The following DDX31 variants were observed in gnomAD, a reference collection of about 807,000 sequenced individuals.
DDX31 encodes DEAD-box helicase 31.
Under a neutral mutation model 91.3 loss-of-function variants are expected in DDX31, and 70 were observed. The ratio of observed to expected loss-of-function variants is 0.77; its 90% CI spans 0.63 to 0.94. DDX31 has a LOEUF of 0.94. DDX31 is among the 40% of genes least tolerant of loss of function. DDX31 has a pLI of 0.00. For synonymous variants in DDX31, 362 were observed against 350.6 expected (o/e 1.03, Z -0.36); for missense variants, 902 against 925.0 (o/e 0.98, Z 0.32).
At chr9:132,669,677 C>T (rs1835594153) in intron 1 of DDX31, 183 bp downstream of exon 1, 2 of 1,533,390 alleles carry the variant, frequency 1.3e-6, no homozygotes, top group Non-Finnish European at 1.7e-6. Flanking sequence ...CGCATCCCTG[C>T]GGGTGGTGTT....
Position 132,632,098 on chromosome 9 carries a change from C to G in DDX31, c.1441-7G>C, listed in dbSNP as rs746745174. On this transcript the variant is annotated splice_region_variant and splice_polypyrimidine_tract_variant and intron_variant, in intron 14 of 19. Transcript: ENST00000372159. ...AGCCCCGAGCTGCAACATCCTTTAA[C>G]AAAGAAAAGAATATGGTTTAACACT... 1 of 1,612,186 alleles carries G rather than the reference C, an allele frequency of 6.2e-7. No individual in the cohort carries two copies.
Position 132,662,277 on chromosome 9 carries a change from C to A in DDX31, c.392G>T (p.Gly131Val). The A allele has an allele frequency of 6.2e-7, 1 of 1,614,158 alleles. No homozygotes were observed. Among genetic ancestry groups the A allele is most frequent in the Non-Finnish European group, 8.5e-7 (1 of 1,180,034 alleles). ...GGTACTTACTAAATGTGGGTGGAGG[C>A]CCAGCTCATGAAAAGCAGCTGAAGT... ...VFTSAAFHEL[G>V]LHPHLISTIN... The change falls in exon 3 of 20, where the codon GGC becomes GTC. Residue 131 changes from glycine (G) to valine (V), a missense_variant. Physicochemically the swap from Gly to Val is moderately radical, Grantham distance 109. Transcript: ENST00000372159.
At chr9:132,662,230 AC>A (rs986296912) in intron 3 of DDX31, 30 bp downstream of exon 3, 8 of 1,612,458 alleles carry the variant, frequency 5.0e-6, no homozygotes, top group Non-Finnish European at 5.9e-6. Context: ...ACCAAAAAAA[AC>A]TGACCCAGAA....
chr9:132,669,191 C>G (rs546125907), intron 1 of DDX31, among the ~76,000 whole-genome samples: 1 of 151,996 alleles, frequency 6.6e-6, no homozygotes, highest in South Asian at 2.1e-4. Context: ...TTGGGAGGGC[C>G]TGGAAGAAAA....
intron 1 of DDX31, chr9:132,669,463 G>T: frequency 1.5e-6 from 1 of 664,014 alleles, no homozygotes; most frequent in Non-Finnish European, 2.2e-6. Flanking sequence ...CAGGAATGTG[G>T]GCAAGATAAA....
At chr9:132,659,883 G>A (rs1203294132) in intron 4 of DDX31, 103 bp from the exon 5 acceptor site, 8 of 1,036,508 alleles carry the variant, frequency 7.7e-6, no homozygotes, top group Non-Finnish European at 1.2e-5. Context: ...GATTCATCTG[G>A]CAACTGCCTC....
At chr9:132,610,334 T>A (rs532296992) in intron 19 of DDX31, among the ~76,000 whole-genome samples, 1 of 152,314 alleles carries the variant, frequency 6.6e-6, no homozygotes, top group Non-Finnish European at 1.5e-5. Context: ...ACGTCCACAC[T>A]CATCTAGGCA....
At position 132,618,358 on chromosome 9, in the gene DDX31, A is replaced by G; in HGVS notation, c.1797T>C (p.Ser599=). ...TCTTTGCCCAGGAGACCCTCCTCTCACTGGAGTGCACGTAATCTTCAAATA... is the reference window on the plus strand; with the variant it reads ...TCTTTGCCCAGGAGACCCTCCTCTCGCTGGAGTGCACGTAATCTTCAAATA... The part of the protein sequence containing the change: ...QTVFEDYVHS[S]ERRVSWAKKA... Residue 599 remains serine, a synonymous_variant, in exon 18 of 20, where the codon AGT becomes AGC. Coordinates refer to ENST00000372159, the MANE Select transcript of DDX31 (RefSeq NM_022779.9). 1.9e-6 allele frequency: 3 copies of G among 1,610,384 alleles called. No homozygotes were observed. Among genetic ancestry groups the G allele is most frequent in the Middle Eastern group, 1.7e-4 (1 of 6,058 alleles).
chr9:132,646,881 A>G lies in DDX31; in HGVS notation c.1145T>C (p.Val382Ala), dbSNP rs562969670. The G allele has an allele frequency of 1.7e-5, 28 of 1,614,168 alleles. No individual in the cohort carries two copies. The highest frequency in any genetic ancestry group is 1.7e-4 in the Middle Eastern group (1 of 6,050). The change falls in exon 12 of 20, where the codon GTG becomes GCG. Residue 382 changes from valine to alanine, a missense_variant. Val to Ala is a moderately conservative substitution (Grantham distance 64). Transcript: ENST00000372159. ...IPESLKQHVTVVPSKLRLVCL... is the reference protein window; with the variant it reads ...IPESLKQHVTAVPSKLRLVCL... ...GACAAGCCTCAGTTTGCTGGGAACC[A>G]CAGTCACATGCTGCTTGAGACTCTC...
intron 19 of DDX31, among the ~76,000 whole-genome samples, chr9:132,601,572 C>T (rs1481691003): frequency 1.3e-5 from 2 of 152,200 alleles, no homozygotes; most frequent in Non-Finnish European, 2.9e-5. Flanking sequence ...CATTATCATC[C>T]CCTGCACTAA....
chr9:132,626,802 G>A (rs1455766867), intron 16 of DDX31, among the ~76,000 whole-genome samples: 1 of 152,008 alleles, frequency 6.6e-6, no homozygotes, highest in Non-Finnish European at 1.5e-5. Context: ...TCATCTCCCT[G>A]CACACCCCCA....
rs750116184 is a variant in DDX31, at chr9:132,650,438, C to T, written c.676-140G>A. On this transcript the variant is annotated intron_variant, in intron 8 of 19. Transcript: ENST00000372159. ...TGTATAAGGTGTTATTGTGCAGACA[C>T]AATTCCTAGGCATTGCTACACCCAT... is the stretch of plus-strand genomic sequence containing the variant. 3.1e-5 allele frequency: 24 copies of T among 773,984 alleles called. 1 individual carries two copies. The highest frequency in any genetic ancestry group is 4.5e-4 in the Middle Eastern group (2 of 4,430). The allele number at this position is 773,984 out of a possible 1,614,324, so 47.9% of individuals were successfully genotyped here.
intron 16 of DDX31, 52 bp downstream of exon 16, chr9:132,630,212 G>A: frequency 6.6e-7 from 1 of 1,506,434 alleles, no homozygotes; most frequent in Non-Finnish European, 9.0e-7. Flanking sequence ...AAAAGCGACA[G>A]AAAGTTAATT....
intron 18 of DDX31, 39 bp from the exon 19 acceptor site, chr9:132,612,294 C>G: frequency 6.2e-7 from 1 of 1,612,584 alleles, no homozygotes; most frequent in East Asian, 2.2e-5. Flanking sequence ...CTGTCAGGAC[C>G]GGGGTCTCCA....
At chr9:132,615,864 T>C (rs866209312) in intron 18 of DDX31, among the ~76,000 whole-genome samples, 3 of 152,214 alleles carry the variant, frequency 2.0e-5, no homozygotes, top group Non-Finnish European at 2.9e-5. Context: ...GGTCCAAAAA[T>C]GCAAAAGGAA....
At chr9:132,656,487 G>C (rs1834574883) in intron 6 of DDX31, among the ~76,000 whole-genome samples, 2 of 152,144 alleles carry the variant, frequency 1.3e-5, no homozygotes, top group African/African-American at 4.8e-5. Context: ...ACCATGCACT[G>C]CCCGTCGGGT....
At chr9:132,601,081 G>T (rs1207312601) in intron 19 of DDX31, among the ~76,000 whole-genome samples, 5 of 152,200 alleles carry the variant, frequency 3.3e-5, no homozygotes, top group Non-Finnish European at 7.4e-5. Flanking sequence ...TGACTGAGAA[G>T]GACCAGCTTG....
At chr9:132,609,058 G>C (rs974688775) in intron 19 of DDX31, among the ~76,000 whole-genome samples, 8 of 152,136 alleles carry the variant, frequency 5.3e-5, no homozygotes, top group African/African-American at 1.2e-4. Flanking sequence ...AGGCAGGGGT[G>C]GGGGGAGGAT....
At chr9:132,668,092 C>T (rs997613462) in intron 1 of DDX31, among the ~76,000 whole-genome samples, 1 of 152,140 alleles carries the variant, frequency 6.6e-6, no homozygotes. Flanking sequence ...TTCTATCCTT[C>T]TCCCCGCTCC....
Sources: gnomAD v4.1 joint callset for allele counts (sites outside exome capture counted in the v4.1 genomes callset) on GRCh38, gnomAD v4.1.1 for gene constraint, MANE v1.5 for transcripts, NCBI Gene and HGNC (gene_info 2026-07-23, HGNC 2026-07-21) for gene names.